SETD3: variants seen among roughly 807,000 people sequenced by gnomAD.
SETD3 encodes actin-histidine N-methyltransferase.
SETD3 carries 19 observed loss-of-function variants against 63.0 expected under a neutral mutation model. The ratio of observed to expected loss-of-function variants is 0.30; its 90% CI spans 0.21 to 0.44. The LOEUF is 0.44. Ranked by LOEUF, SETD3 falls within the 20% of genes least tolerant of loss-of-function variation. The pLI, the probability that SETD3 is intolerant of heterozygous loss-of-function variation, is 1.00. For missense variants in SETD3, 587 were observed against 728.5 expected (o/e 0.81, Z 2.24); for synonymous variants, 286 against 264.1 (o/e 1.08, Z -0.80).
chr14:99,440,929 C>T (rs945132593), intron 6 of SETD3, among the ~76,000 whole-genome samples: 1 of 152,066 alleles, frequency 6.6e-6, no homozygotes, highest in African/African-American at 2.4e-5. Context: ...CTGATAAATT[C>T]CTCCCTGTGA....
At chr14:99,399,175 T>C (rs191297390) in intron 12 of SETD3, 50 bp from the exon 13 acceptor site, 35 of 1,550,634 alleles carry the variant, frequency 2.3e-5, no homozygotes, top group Non-Finnish European at 3.1e-5. Context: ...CCAGCAAAAC[T>C]ATAGAGACAG....
chr14:99,398,962 T>A lies in SETD3; in HGVS notation c.1502A>T (p.Lys501Ile), dbSNP rs1223079812. 1 of 1,614,112 alleles carries A rather than the reference T, an allele frequency of 6.2e-7. No homozygotes were observed. The highest frequency in any genetic ancestry group is 8.5e-7 in the Non-Finnish European group (1 of 1,179,986). ...CAGCCCAAGGTTACTCTCTTCATAT[T>A]TGGGAAGCGGAGCCTTTTCCTCCAT... ...QQMEEKAPLP[K>I]YEESNLGLLE... Residue 501 changes from lysine (K) to isoleucine (I), a missense_variant, in exon 13 of 13, where the codon AAA becomes ATA. Coordinates refer to ENST00000331768, the MANE Select transcript of SETD3 (RefSeq NM_032233.3).
At chr14:99,409,264 C>A (rs1283356495) in intron 8 of SETD3, among the ~76,000 whole-genome samples, 1 of 152,146 alleles carries the variant, frequency 6.6e-6, no homozygotes, top group African/African-American at 2.4e-5. Flanking sequence ...TCAGTCCCTA[C>A]CCATAGGGAC....
In SETD3 at chr14:99,463,553, T is replaced by C. The variant is rs1366863916; in HGVS notation, c.129A>G (p.Pro43=). Residue 43 remains proline (P), a synonymous_variant, in exon 3 of 13, where the codon CCA becomes CCG. Coordinates refer to ENST00000331768, the MANE Select transcript of SETD3 (RefSeq NM_032233.3). ...GCACATACTCTTCCCACTCTTTTCC[T>C]GGGCCAGGCGCCGGACTGCTGCATT... ...LQKCSSPAPG[P]GKEWEEYVQI... 1.2e-6 allele frequency: 2 copies of C among 1,614,126 alleles called. No homozygotes were observed. Among genetic ancestry groups the C allele is most frequent in the East Asian group, 2.2e-5 (1 of 44,896 alleles).
intron 1 of SETD3, among the ~76,000 whole-genome samples, chr14:99,476,979 ATTTC>A (rs1451238368): frequency 2.0e-5 from 3 of 152,272 alleles, no homozygotes; most frequent in African/African-American, 7.2e-5. Context: ...CAGTGGAAAC[ATTTC>A]TTCCTGCTCT....
upstream of SETD3, chr14:99,481,098 C>T (rs1321467618): frequency 4.1e-6 from 1 of 244,722 alleles, no homozygotes; most frequent in Non-Finnish European, 7.8e-6. Context: ...GCGTTCGCCC[C>T]CGCCAGAGCT....
intron 6 of SETD3, among the ~76,000 whole-genome samples, chr14:99,437,106 C>G (rs560158321): frequency 7.4e-4 from 112 of 152,320 alleles, no homozygotes; most frequent in African/African-American, 2.7e-3. Flanking sequence ...GACAGGCCAG[C>G]AAATAGGCCT....
chr14:99,436,558 G>A (rs1014566275), intron 6 of SETD3, among the ~76,000 whole-genome samples: 4 of 152,102 alleles, frequency 2.6e-5, no homozygotes, highest in African/African-American at 7.2e-5. Context: ...GAGATTAAGC[G>A]GCCCTCCTTA....
rs757408103 is a variant in SETD3 at position 99,399,006 on chromosome 14, C to T, written c.1458G>A (p.Arg486=). The part of the protein sequence containing the change: ...EKAVKSAAVN[R]EYYRQQMEEK... ...CCTCCATCTGTTGGCGATAGTATTCCCGGTTGACAGCTGCACTCTTTACTG... is the reference window on the plus strand; with the variant it reads ...CCTCCATCTGTTGGCGATAGTATTCTCGGTTGACAGCTGCACTCTTTACTG... Residue 486 remains arginine, a synonymous_variant, in exon 13 of 13, where the codon CGG becomes CGA. Coordinates refer to ENST00000331768, the MANE Select transcript of SETD3 (RefSeq NM_032233.3). 6.2e-7 allele frequency: 1 copy of T among 1,614,178 alleles called. No individual in the cohort carries two copies. The highest frequency in any genetic ancestry group is 1.1e-5 in the South Asian group (1 of 91,080).
Position 99,480,751 on chromosome 14 carries a change from G to C in SETD3, c.-32C>G, listed in dbSNP as rs1174149891. The C allele has an allele frequency of 6.6e-6, 1 of 151,676 alleles. No homozygotes were observed. The highest frequency in any genetic ancestry group is 2.4e-5 in the African/African-American group (1 of 41,286). The allele number at this position is 151,676 out of a possible 1,614,324, so 9.4% of individuals were successfully genotyped here. A position where few individuals can be genotyped will look rare whatever the true frequency, so the allele number is the denominator to read the frequency against. ...ACCTGCCCGCTTCCCCTAGCGCAGC[G>C]GGAACGACGTACTCCGGCCCGGACC... On this transcript the variant is annotated 5_prime_UTR_variant, in exon 1 of 13. Coordinates refer to ENST00000331768, the MANE Select transcript of SETD3 (RefSeq NM_032233.3).
intron 6 of SETD3, among the ~76,000 whole-genome samples, chr14:99,427,210 G>A (rs1443275394): frequency 2.6e-5 from 4 of 152,182 alleles, no homozygotes; most frequent in Non-Finnish European, 5.9e-5. Flanking sequence ...ATGCTGACAA[G>A]GAAAACATAC....
chr14:99,450,872 A>G (rs1894420088), intron 6 of SETD3, among the ~76,000 whole-genome samples: 1 of 152,246 alleles, frequency 6.6e-6, no homozygotes, highest in Non-Finnish European at 1.5e-5. Flanking sequence ...TTACTTAAAA[A>G]GCATTACATT....
At chr14:99,476,037 C>T (rs575096348) in intron 1 of SETD3, among the ~76,000 whole-genome samples, 1 of 152,180 alleles carries the variant, frequency 6.6e-6, no homozygotes, top group East Asian at 1.9e-4. Flanking sequence ...CCAATATGAT[C>T]GTCCCCATCA....
upstream of SETD3, chr14:99,481,366 G>T: frequency 2.5e-6 from 1 of 398,650 alleles, no homozygotes; most frequent in Non-Finnish European, 4.4e-6. Context: ...CCCTCCGGTC[G>T]CTTGGTGGCG....
intron 1 of SETD3, among the ~76,000 whole-genome samples, chr14:99,479,958 G>C (rs958484522): frequency 6.6e-6 from 1 of 151,798 alleles, no homozygotes; most frequent in African/African-American, 2.4e-5. Context: ...AGTGGAGACC[G>C]GGAAAAGACA....
At chr14:99,415,334 T>A (rs1168600054) in intron 6 of SETD3, among the ~76,000 whole-genome samples, 1 of 152,186 alleles carries the variant, frequency 6.6e-6, no homozygotes, top group Admixed American at 6.5e-5. Context: ...CACTAAGAAG[T>A]CTGACTTATT....
intron 6 of SETD3, among the ~76,000 whole-genome samples, chr14:99,441,663 G>C (rs966341107): frequency 2.0e-5 from 3 of 152,210 alleles, no homozygotes; most frequent in Admixed American, 6.5e-5. Flanking sequence ...GTCCTGAGGA[G>C]AAGAGGCTGG....
Position 99,398,607 on chromosome 14 carries a change from A to G in SETD3, c.*72T>C. The G allele has an allele frequency of 7.4e-7, 1 of 1,358,820 alleles. No homozygotes were observed. The highest frequency in any genetic ancestry group is 1.0e-6 in the Non-Finnish European group (1 of 982,100). 84.2% of individuals were successfully genotyped at this position (1,358,820 alleles called of 1,614,324 possible). ...TGCAGAAAGAAAAATGTTAACAAGG[A>G]AACACAGCGATGTGAACGGACTGTC... On this transcript the variant is annotated 3_prime_UTR_variant, in exon 13 of 13. Transcript: ENST00000331768.
At chr14:99,421,328 T>G (rs920340562) in intron 6 of SETD3, among the ~76,000 whole-genome samples, 1 of 152,058 alleles carries the variant, frequency 6.6e-6, no homozygotes, top group African/African-American at 2.4e-5. Context: ...TATATTGTTT[T>G]AGTTTTAATT....
Sources: gnomAD v4.1 joint callset for allele counts (sites outside exome capture counted in the v4.1 genomes callset) on GRCh38, gnomAD v4.1.1 for gene constraint, MANE v1.5 for transcripts, NCBI Gene and HGNC (gene_info 2026-07-23, HGNC 2026-07-21) for gene names.